The following PAQR3 variants were observed in gnomAD, a reference collection of about 807,000 sequenced individuals.
PAQR3 encodes progestin and adipoQ receptor family member 3, also known as Raf kinase trapping to Golgi.
Under a neutral mutation model 41.7 loss-of-function variants are expected in PAQR3, and 39 were observed. The observed-to-expected ratio is 0.93, with a 90% CI of 0.72 to 1.22. The LOEUF is 1.22. Ranked by LOEUF, PAQR3 falls within the 50% of genes most tolerant of loss-of-function variation. The pLI is 0.00. For missense variants in PAQR3, 366 were observed against 385.6 expected, an observed-to-expected ratio of 0.95 and a Z score of 0.42; for synonymous variants, 140 against 140.6, an observed-to-expected ratio of 1.00 and a Z score of 0.03.
chr4:78,899,413 C>A (rs1733881144), intron 11 of PAQR3, among the ~76,000 whole-genome samples: 1 of 152,112 alleles, frequency 6.6e-6, no homozygotes, highest in Non-Finnish European at 1.5e-5. Flanking sequence ...TGTAGGGGCA[C>A]TGGAATCTTT....
chr4:78,922,955 C>A (rs1432752865), intron 5 of PAQR3: 1 of 456,000 alleles, frequency 2.2e-6, no homozygotes, highest in East Asian at 6.9e-5. Context: ...CCAGTGTCCT[C>A]TTAGTTATTT....
rs1444316498 is a variant in PAQR3, at chr4:78,924,137, G to A, written c.703-190C>T. ...AATGGAGCACAGAGAATGCTCTAACGGTCAGGCTCCTAAAGGGGCTAGAGC... is the reference window on the plus strand; with the variant it reads ...AATGGAGCACAGAGAATGCTCTAACAGTCAGGCTCCTAAAGGGGCTAGAGC... On this transcript the variant is annotated intron_variant, in intron 4 of 5. Coordinates refer to ENST00000512733, the MANE Select transcript of PAQR3 (RefSeq NM_001040202.2). Among the ~76,000 whole-genome samples, 4 of 152,064 alleles carry A rather than the reference G, an allele frequency of 2.6e-5. No homozygotes were observed. The East Asian group carries it at 5.8e-4, about 22-fold the overall frequency.
intron 3 of PAQR3, among the ~76,000 whole-genome samples, chr4:78,928,983 G>A (rs1032436880): frequency 3.9e-5 from 6 of 152,210 alleles, no homozygotes; most frequent in Non-Finnish European, 5.9e-5. Flanking sequence ...GCGCTGCTGT[G>A]AGAATCTAAC....
chr4:78,913,560 T>C lies in PAQR3; in HGVS notation c.*6979A>G, dbSNP rs1734791735. 1 of 152,152 alleles carries C rather than the reference T, an allele frequency of 6.6e-6. No individual in the cohort carries two copies. The highest frequency in any genetic ancestry group is 1.5e-5 in the Non-Finnish European group (1 of 67,982). The allele number at this position is 152,152 out of a possible 1,614,324, so 9.4% of individuals were successfully genotyped here. On this transcript the variant is annotated 3_prime_UTR_variant, in exon 6 of 6. Transcript: ENST00000512733. Reference sequence around the variant, plus strand: ...AGTAGAAACTCATCAACTGGCACTCTCTTTGATTTTTATATTTTAAATTAA... The same window carrying C: ...AGTAGAAACTCATCAACTGGCACTCCCTTTGATTTTTATATTTTAAATTAA...
chr4:78,906,456 T>TGGATG (rs1410899654), intron 10 of PAQR3, among the ~76,000 whole-genome samples: 1 of 152,096 alleles, frequency 6.6e-6, no homozygotes, highest in Non-Finnish European at 1.5e-5. Context: ...AGCACAAAGG[T>TGGATG]GGTATAGATG....
chr4:78,931,394 C>G (rs1736881190), intron 2 of PAQR3, among the ~76,000 whole-genome samples: 1 of 151,788 alleles, frequency 6.6e-6, no homozygotes, highest in Non-Finnish European at 1.5e-5. Context: ...GAGATCCTGT[C>G]TCAAAAAATA....
intron 11 of PAQR3, among the ~76,000 whole-genome samples, chr4:78,904,991 A>C (rs1734213604): frequency 6.6e-6 from 1 of 151,940 alleles, no homozygotes; most frequent in South Asian, 2.1e-4. Context: ...ACCTAAAGAA[A>C]ATTTAACTCT....
chr4:78,918,421 C>T lies in PAQR3; in HGVS notation c.*2118G>A, dbSNP rs1735308931. Reference sequence around the variant, plus strand: ...GACATACAGAAGTGTTTCTAGTTAACAGCAATCCATATTCATTCATTCATT... The same window carrying T: ...GACATACAGAAGTGTTTCTAGTTAATAGCAATCCATATTCATTCATTCATT... On this transcript the variant is annotated 3_prime_UTR_variant, in exon 6 of 6. Transcript: ENST00000512733. The T allele has an allele frequency of 4.1e-6, 4 of 975,944 alleles. No individual in the cohort carries two copies. The highest frequency in any genetic ancestry group is 6.2e-5 in the Admixed American group (1 of 16,178). 60.5% of individuals were successfully genotyped at this position (975,944 alleles called of 1,614,324 possible).
At position 78,912,458 on chromosome 4, in the gene PAQR3, TA is replaced by T. The variant is rs2110112867; in HGVS notation, c.*8080del. 6.4e-6 allele frequency: 1 copy of T among 157,346 alleles called. No individual in the cohort carries two copies. The highest frequency in any genetic ancestry group is 2.0e-4 in the South Asian group (1 of 5,088). 9.7% of individuals were successfully genotyped at this position (157,346 alleles called of 1,614,324 possible). ...ACTAGTTACACTTGTGAATTTTTTT[TA>T]AGGTCTCTTTTAATTTCCAGACAGT... is the stretch of plus-strand genomic sequence containing the variant. On this transcript the variant is annotated 3_prime_UTR_variant, in exon 6 of 6. Transcript: ENST00000512733.
chr4:78,920,305 AT>A lies in PAQR3; in HGVS notation c.*233del, dbSNP rs1735524229. On this transcript the variant is annotated 3_prime_UTR_variant, in exon 6 of 6. Transcript: ENST00000512733. ...CGTTGTTATTCAGATGTTTCTTATG[AT>A]TGCCAACTAATTTTCACTTTCTGTA... The A allele has an allele frequency of 8.5e-7, 1 of 1,178,674 alleles. No homozygotes were observed. Among genetic ancestry groups the A allele is most frequent in the Admixed American group, 4.5e-5 (1 of 22,222 alleles). 73.0% of individuals were successfully genotyped at this position (1,178,674 alleles called of 1,614,324 possible). A position where few individuals can be genotyped will look rare whatever the true frequency, so the allele number is the denominator to read the frequency against.
intron 2 of PAQR3, among the ~76,000 whole-genome samples, chr4:78,931,983 G>A (rs550828614): frequency 6.6e-6 from 1 of 152,346 alleles, no homozygotes; most frequent in South Asian, 2.1e-4. Context: ...AATAGCCCTG[G>A]AGAGCAAACA....
At position 78,916,208 on chromosome 4, in the gene PAQR3, TTGCCTTTAC is replaced by T. The variant is rs1560565989; in HGVS notation, c.*4322_*4330del. 2 of 151,968 alleles carry T rather than the reference TTGCCTTTAC, an allele frequency of 1.3e-5. No individual in the cohort carries two copies. The highest frequency in any genetic ancestry group is 1.3e-4 in the Admixed American group (2 of 15,208). 9.4% of individuals were successfully genotyped at this position (151,968 alleles called of 1,614,324 possible). ...AGCACTAACTGATTTTATTACTTTA[TTGCCTTTAC>T]ACTGCTTATTCTTTTTGACTGAATT... is the stretch of plus-strand genomic sequence containing the variant. On this transcript the variant is annotated 3_prime_UTR_variant, in exon 6 of 6. Coordinates refer to ENST00000512733, the MANE Select transcript of PAQR3 (RefSeq NM_001040202.2).
Position 78,914,194 on chromosome 4 carries a change from C to T in PAQR3, c.*6345G>A, listed in dbSNP as rs1734851468. 6.6e-6 allele frequency: 1 copy of T among 151,946 alleles called. No individual in the cohort carries two copies. The highest frequency in any genetic ancestry group is 6.6e-5 in the Admixed American group (1 of 15,238). 9.4% of individuals were successfully genotyped at this position (151,946 alleles called of 1,614,324 possible). On this transcript the variant is annotated 3_prime_UTR_variant, in exon 6 of 6. Coordinates refer to ENST00000512733, the MANE Select transcript of PAQR3 (RefSeq NM_001040202.2). The stretch of plus-strand genomic sequence containing the variant: ...AGGGGTAGAGGATGAACTAATGTCT[C>T]CTTCAGATGTAAACATGAAATACCT...
intron 11 of PAQR3, among the ~76,000 whole-genome samples, chr4:78,888,688 C>T (rs779054170): frequency 1.3e-5 from 2 of 152,162 alleles, no homozygotes; most frequent in Non-Finnish European, 1.5e-5. Flanking sequence ...TTTTGTACTT[C>T]GCAACATGTT....
chr4:78,923,949 T>C lies in PAQR3; in HGVS notation c.703-2A>G, dbSNP rs368783774. ...CACAATTACACGGGGTGCAAAGTCC[T>C]GAAAAGCAGAACATGTTTTTTTACA... On this transcript the variant is annotated splice_acceptor_variant, in intron 4 of 5. Coordinates refer to ENST00000512733, the MANE Select transcript of PAQR3 (RefSeq NM_001040202.2). LOFTEE classifies it high-confidence loss of function. 3.1e-6 allele frequency: 5 copies of C among 1,608,722 alleles called. No individual in the cohort carries two copies. The African/African-American group carries it at 5.4e-5, about 17-fold the overall frequency.
downstream of PAQR3, among the ~76,000 whole-genome samples, chr4:78,908,494 C>G (rs1185349092): frequency 1.3e-5 from 2 of 152,160 alleles, no homozygotes; most frequent in Admixed American, 1.3e-4. Context: ...ACTGAGGGCT[C>G]AGTTTTGGAT....
Position 78,912,188 on chromosome 4 carries a change from G to A in PAQR3, c.*8351C>T. The A allele has an allele frequency of 1.4e-6, 1 of 711,110 alleles. No homozygotes were observed. Among genetic ancestry groups the A allele is most frequent in the Middle Eastern group, 2.5e-4 (1 of 3,952 alleles). 44.1% of individuals were successfully genotyped at this position (711,110 alleles called of 1,614,324 possible). On this transcript the variant is annotated 3_prime_UTR_variant, in exon 6 of 6. Coordinates refer to ENST00000512733, the MANE Select transcript of PAQR3 (RefSeq NM_001040202.2). ...TAAATAAACCAAATAGAAGAATGAAGTATCTCTACAGGGTAGTAACTTGAT... is the reference window on the plus strand; with the variant it reads ...TAAATAAACCAAATAGAAGAATGAAATATCTCTACAGGGTAGTAACTTGAT...
At chr4:78,896,265 A>T (rs1733698127) in intron 11 of PAQR3, among the ~76,000 whole-genome samples, 1 of 152,326 alleles carries the variant, frequency 6.6e-6, no homozygotes, top group South Asian at 2.1e-4. Context: ...GCAGTTTTTT[A>T]TACAAATGCC....
chr4:78,939,348 G>T lies in PAQR3; in HGVS notation c.-124C>A, dbSNP rs939685821. ...CGGACGCTGCGCGAGGTCCTACCGC[G>T]CTGCCGCTGCTGCCCAGGGCCCGGC... On this transcript the variant is annotated 5_prime_UTR_variant, in exon 1 of 6. Coordinates refer to ENST00000512733, the MANE Select transcript of PAQR3 (RefSeq NM_001040202.2). 1 of 795,022 alleles carries T rather than the reference G, an allele frequency of 1.3e-6. No homozygotes were observed. The allele number at this position is 795,022 out of a possible 1,614,324, so 49.2% of individuals were successfully genotyped here.
Sources: allele counts gnomAD v4.1 joint callset (sites outside exome capture counted in the v4.1 genomes callset), GRCh38; gene constraint gnomAD v4.1.1; transcripts MANE v1.5; gene names NCBI Gene and HGNC (gene_info 2026-07-23, HGNC 2026-07-21).